The following NCOA6 variants were observed in gnomAD, a reference collection of about 807,000 sequenced individuals.
NCOA6 encodes nuclear receptor coactivator 6, also known as NRC RAP250.
NCOA6 carries 49 observed loss-of-function variants against 171.4 expected under a neutral mutation model. The observed-to-expected ratio is 0.29, with a 90% CI of 0.23 to 0.36. The LOEUF (loss-of-function observed/expected upper bound fraction) is 0.36, where lower values mean the gene tolerates loss of function less well. Ranked by LOEUF, NCOA6 falls within the 10% of genes least tolerant of loss-of-function variation. The pLI, the probability that NCOA6 is intolerant of heterozygous loss-of-function variation, is 1.00. For missense variants in NCOA6, 2,248 were observed against 2,554.5 expected, an observed-to-expected ratio of 0.88 and a Z score of 2.59; for synonymous variants, 910 against 927.5, an observed-to-expected ratio of 0.98 and a Z score of 0.34.
At chr20:34,784,337 G>A (rs545138188) in intron 2 of NCOA6, among the ~76,000 whole-genome samples, 2 of 151,568 alleles carry the variant, frequency 1.3e-5, no homozygotes, top group East Asian at 2.0e-4. Flanking sequence ...TGATCCTCTC[G>A]CCTCAGCTTC....
chr20:34,768,708 C>T (rs2295353), intron 4 of NCOA6, 122 bp from the exon 5 acceptor site: 408,704 of 1,123,568 alleles, frequency 0.36, 78,055 homozygotes, highest in Middle Eastern at 0.44. Context: ...AGTTTACCAC[C>T]AGAAAAATGG....
At chr20:34,797,801 C>G (rs928118244) in intron 1 of NCOA6, among the ~76,000 whole-genome samples, 6 of 151,988 alleles carry the variant, frequency 3.9e-5, no homozygotes, top group African/African-American at 1.5e-4. Flanking sequence ...GACAGAAGAA[C>G]TGCTTGAACC....
At chr20:34,744,375 G>T (rs1455135185) in intron 10 of NCOA6, among the ~76,000 whole-genome samples, 1 of 152,074 alleles carries the variant, frequency 6.6e-6, no homozygotes, top group Non-Finnish European at 1.5e-5. Context: ...CAAGAATAAC[G>T]GTGGTTCTGT....
intron 2 of NCOA6, among the ~76,000 whole-genome samples, chr20:34,788,523 T>C (rs529650399): frequency 6.6e-6 from 1 of 152,292 alleles, no homozygotes; most frequent in South Asian, 2.1e-4. Flanking sequence ...CACTGGTGGA[T>C]GTGTCTTATG....
At chr20:34,740,243 C>G in intron 11 of NCOA6, 120 bp downstream of exon 11, 2 of 1,266,512 alleles carry the variant, frequency 1.6e-6, no homozygotes, top group Non-Finnish European at 2.2e-6. Flanking sequence ...AATAAAACTA[C>G]TGCTATTGCC....
chr20:34,734,203 T>A (rs2075876287), intron 12 of NCOA6, among the ~76,000 whole-genome samples: 1 of 151,974 alleles, frequency 6.6e-6, no homozygotes. Context: ...TAGCTGGGAG[T>A]ATAGGCACGC....
chr20:34,749,970 T>C lies in NCOA6; in HGVS notation c.2225A>G (p.Gln742Arg). The change falls in exon 9 of 15, where the codon CAG (glutamine) becomes CGG (arginine). Residue 742 changes from glutamine (Q) to arginine (R), a missense_variant. Coordinates refer to ENST00000359003, the MANE Select transcript of NCOA6 (RefSeq NM_014071.5). ...NQSNVMPGPA[Q>R]IMRGPTPNMQ... is the part of the protein sequence containing the mutation. ...GTTTGGAGTTGGTCCCCTCATTATC[T>C]GGGCTGGTCCCGGCATGACATTGGA... 1 of 1,614,242 alleles carries C rather than the reference T, an allele frequency of 6.2e-7. No homozygotes were observed. The highest frequency in any genetic ancestry group is 8.5e-7 in the Non-Finnish European group (1 of 1,180,024).
In NCOA6 at chr20:34,723,248, T is replaced by C. The variant is rs534621743; in HGVS notation, c.6148+4011A>G. On this transcript the variant is annotated intron_variant, in intron 14 of 14. Transcript: ENST00000359003. ...TGAGCCCTCAAACCTGTGGATCTGA[T>C]ACTATCTCCAGGCAGATAGTGTCAG... 2.0e-5 allele frequency among the ~76,000 whole-genome samples: 3 copies of C among 152,312 alleles called. No individual in the cohort carries two copies. In the East Asian group the frequency reaches 5.8e-4, roughly 29 times the overall value.
intron 1 of NCOA6, among the ~76,000 whole-genome samples, chr20:34,810,615 G>A (rs976432902): frequency 1.3e-5 from 2 of 151,900 alleles, no homozygotes; most frequent in Non-Finnish European, 2.9e-5. Context: ...GAGTGCAGTG[G>A]TGCAATCTCG....
At position 34,742,112 on chromosome 20, in the gene NCOA6, C is replaced by T; in HGVS notation, c.4144G>A (p.Ala1382Thr). 6.2e-7 allele frequency: 1 copy of T among 1,614,122 alleles called. No homozygotes were observed. Residue 1382 changes from alanine (A) to threonine (T), a missense_variant, in exon 11 of 15, where the codon GCC (alanine) becomes ACC (threonine). By Grantham distance (58) the Ala-to-Thr change is moderately conservative. Transcript: ENST00000359003. The stretch of plus-strand genomic sequence containing the variant: ...AAGCTCCCAGGTACAGGGGGATTGG[C>T]CAGAGGAGTGGGACTGACCAATACA... ...RNVLVSPTPL[A>T]NPPVPGSFPN...
intron 5 of NCOA6, among the ~76,000 whole-genome samples, chr20:34,764,569 C>T (rs1186710575): frequency 1.3e-5 from 2 of 151,468 alleles, no homozygotes; most frequent in Admixed American, 6.6e-5. Context: ...ACCTGTAATC[C>T]CAGCTACTAG....
At chr20:34,744,777 A>G (rs2076253902) in intron 10 of NCOA6, among the ~76,000 whole-genome samples, 1 of 152,236 alleles carries the variant, frequency 6.6e-6, no homozygotes, top group African/African-American at 2.4e-5. Context: ...AGTCAAATAC[A>G]GTGGGTTCCT....
At chr20:34,718,634 T>C (rs1378350137) in intron 14 of NCOA6, among the ~76,000 whole-genome samples, 11 of 152,120 alleles carry the variant, frequency 7.2e-5, no homozygotes, top group Non-Finnish European at 4.4e-5. Context: ...GCCTCCCTAG[T>C]AGCTGGGATT....
intron 1 of NCOA6, among the ~76,000 whole-genome samples, chr20:34,793,280 A>T (rs2146347560): frequency 6.6e-6 from 1 of 152,258 alleles, no homozygotes; most frequent in South Asian, 2.1e-4. Flanking sequence ...AGAGCCCAAA[A>T]CAAAATATTT....
At chr20:34,777,273 T>C (rs1310540423) in intron 3 of NCOA6, among the ~76,000 whole-genome samples, 1 of 152,088 alleles carries the variant, frequency 6.6e-6, no homozygotes, top group African/African-American at 2.4e-5. Flanking sequence ...CCATGGCTAC[T>C]ATCAAAACCA....
intron 1 of NCOA6, chr20:34,819,964 T>A (rs1324912997): frequency 6.6e-6 from 1 of 152,086 alleles, no homozygotes; most frequent in Non-Finnish European, 1.5e-5. Context: ...CCCCATTCAA[T>A]AAATGATGCT....
chr20:34,787,363 A>C (rs2077718942), intron 2 of NCOA6, among the ~76,000 whole-genome samples: 1 of 151,882 alleles, frequency 6.6e-6, no homozygotes, highest in African/African-American at 2.4e-5. Context: ...GACTCTACAA[A>C]AAAAATTTAA....
rs1344933526 is a variant in NCOA6, at chr20:34,811,234, T to TATATATATATATAC, written c.-164+14237_-164+14238insGTATATATATATAT. Among the ~76,000 whole-genome samples, 546 of 119,722 alleles carry TATATATATATATAC rather than the reference T, an allele frequency of 4.6e-3. 15 individuals are homozygous for TATATATATATATAC. The highest frequency in any genetic ancestry group is 8.5e-3 in the African/African-American group (275 of 32,426). The allele number at this position is 119,722 out of a possible 152,430, so 78.5% of individuals were successfully genotyped here. A position where few individuals can be genotyped will look rare whatever the true frequency, so the allele number is the denominator to read the frequency against. ...ATATATATATATATATATATATATA[T>TATATATATATATAC]ATGCTTTCAAAATGCATTTTACAAA... On this transcript the variant is annotated intron_variant, in intron 1 of 14. Coordinates refer to ENST00000359003, the MANE Select transcript of NCOA6 (RefSeq NM_014071.5).
chr20:34,742,015 T>C lies in NCOA6; in HGVS notation c.4241A>G (p.Asp1414Gly), dbSNP rs750182164. Residue 1414 changes from aspartate (D) to glycine (G), a missense_variant, in exon 11 of 15, where the codon GAT becomes GGT. This residue lies in a region of NCOA6 where 884 missense variants were observed against 941.9 expected (regional missense o/e 0.94). Coordinates refer to ENST00000359003, the MANE Select transcript of NCOA6 (RefSeq NM_014071.5). ...SVAAVGGVVEDNKESLNVPQD... is the reference protein window; with the variant it reads ...SVAAVGGVVEGNKESLNVPQD... ...AGGCACATTCAAGCTCTCCTTGTTA[T>C]CCTCAACAACACCCCCAACTGCAGC... 33 of 1,614,204 alleles carry C rather than the reference T, an allele frequency of 2.0e-5. No individual in the cohort carries two copies. The highest frequency in any genetic ancestry group is 2.7e-5 in the Non-Finnish European group (32 of 1,180,030).
Sources: gnomAD v4.1 joint callset for allele counts (sites outside exome capture counted in the v4.1 genomes callset) on GRCh38, gnomAD v4.1.1 for gene constraint, gnomAD v4.1.1 regional missense constraint, MANE v1.5 for transcripts, NCBI Gene and HGNC (gene_info 2026-07-23, HGNC 2026-07-21) for gene names.